CCDC138: variants seen among roughly 807,000 people sequenced by gnomAD.
CCDC138 encodes coiled-coil domain-containing protein 138.
CCDC138 carries 66 observed loss-of-function variants against 82.3 expected under a neutral mutation model. The ratio of observed to expected loss-of-function variants is 0.80; its 90% CI spans 0.66 to 0.98. The LOEUF is 0.98. Among genes scored for constraint, CCDC138 ranks in the 50% least tolerant of loss-of-function variants. CCDC138 has a pLI of 0.00. For synonymous variants in CCDC138, 297 were observed against 265.4 expected, an observed-to-expected ratio of 1.12 and a Z score of -1.16; for missense variants, 816 against 758.9, an observed-to-expected ratio of 1.08 and a Z score of -0.88.
At chr2:108,794,407 TTTTC>T (rs778106998) in intron 4 of CCDC138, 129 bp from the exon 5 acceptor site, 2 of 819,858 alleles carry the variant, frequency 2.4e-6, no homozygotes, top group South Asian at 2.6e-5. Context: ...TTTGCTATAT[TTTTC>T]TTTGTCTCTC....
intron 13 of CCDC138, among the ~76,000 whole-genome samples, chr2:108,865,632 G>C (rs1574295620): frequency 6.6e-6 from 1 of 152,092 alleles, no homozygotes; most frequent in South Asian, 2.1e-4. Context: ...GTTCTTAATA[G>C]TCCCTAGGCA....
chr2:108,828,697 G>T (rs1040401727), intron 10 of CCDC138, among the ~76,000 whole-genome samples: 4 of 152,104 alleles, frequency 2.6e-5, no homozygotes, highest in African/African-American at 4.8e-5. Flanking sequence ...AATTTAACTC[G>T]GCTGGGCGTG....
At chr2:108,800,803 G>A (rs559679558) in intron 6 of CCDC138, among the ~76,000 whole-genome samples, 2 of 105,470 alleles carry the variant, frequency 1.9e-5, no homozygotes, top group South Asian at 7.3e-4. Flanking sequence ...ACAGTCCCCA[G>A]AGTGTGATAT....
chr2:108,806,473 T>C (rs1054506549), intron 7 of CCDC138, among the ~76,000 whole-genome samples: 4 of 152,168 alleles, frequency 2.6e-5, no homozygotes, highest in Admixed American at 2.0e-4. Context: ...GCAGAATGCT[T>C]TTTTATGGTT....
Position 108,806,655 on chromosome 2 carries a change from G to C in CCDC138, c.855+1647G>C, listed in dbSNP as rs114684366. Among the ~76,000 whole-genome samples the C allele has an allele frequency of 3.9e-5, 6 of 152,266 alleles. No homozygotes were observed. The South Asian group carries it at 1.2e-3, about 32-fold the overall frequency. On this transcript the variant is annotated intron_variant, in intron 7 of 14. Coordinates refer to ENST00000295124, the MANE Select transcript of CCDC138 (RefSeq NM_144978.3). ...AACGAGCGTGGCTGTGTTCCAAAAC[G>C]ACTGTATTCATAAAAACAAGCAATG...
At chr2:108,868,774 A>T (rs927720029) in intron 13 of CCDC138, among the ~76,000 whole-genome samples, 3 of 152,170 alleles carry the variant, frequency 2.0e-5, no homozygotes, top group African/African-American at 7.2e-5. Flanking sequence ...AATAAATACT[A>T]AGAACATTTT....
chr2:108,792,791 G>A (rs375944248), intron 4 of CCDC138, among the ~76,000 whole-genome samples: 19 of 152,054 alleles, frequency 1.2e-4, no homozygotes, highest in Admixed American at 7.9e-4. Context: ...TCGGCCAGGC[G>A]CGGTGGCTCA....
intron 10 of CCDC138, among the ~76,000 whole-genome samples, chr2:108,826,539 C>T (rs1212984756): frequency 1.3e-5 from 2 of 152,086 alleles, no homozygotes; most frequent in Non-Finnish European, 2.9e-5. Flanking sequence ...TGTTTCGGTA[C>T]CATGTTGAAA....
At chr2:108,880,224 C>CAAAAA (rs3028925), downstream of CCDC138, among the ~76,000 whole-genome samples, 3 of 50,454 alleles carry the variant, frequency 5.9e-5, no homozygotes, top group African/African-American at 1.5e-4. Flanking sequence ...CAAAAACAAA[C>CAAAAA]AAAAAAAAAA....
chr2:108,830,907 GC>G (rs1264579590), intron 10 of CCDC138, among the ~76,000 whole-genome samples: 4 of 151,942 alleles, frequency 2.6e-5, no homozygotes, highest in African/African-American at 9.7e-5. Flanking sequence ...AGGTGCGGTG[GC>G]TCACGCCTGT....
intron 10 of CCDC138, among the ~76,000 whole-genome samples, chr2:108,826,696 C>G (rs1686665815): frequency 6.6e-6 from 1 of 152,156 alleles, no homozygotes; most frequent in Non-Finnish European, 1.5e-5. Context: ...AATCTTCCAA[C>G]TTTGTCCTTC....
chr2:108,799,964 A>C (rs1194781431), intron 6 of CCDC138, among the ~76,000 whole-genome samples: 1 of 151,974 alleles, frequency 6.6e-6, no homozygotes, highest in African/African-American at 2.4e-5. Flanking sequence ...TAAAAAATTT[A>C]TTTTTGTTTT....
rs1491527939 is a variant in CCDC138 at position 108,800,638 on chromosome 2, T to TTTTTTTTTTTTTTTTTTTTTA, written c.735+2052_735+2053insTTTTTTTTTTTTTTTTTTTTA. 2.7e-5 allele frequency among the ~76,000 whole-genome samples: 2 copies of TTTTTTTTTTTTTTTTTTTTTA among 73,732 alleles called. 1 individual carries two copies. Among genetic ancestry groups the TTTTTTTTTTTTTTTTTTTTTA allele is most frequent in the African/African-American group, 1.2e-4 (2 of 17,256 alleles). 48.4% of individuals were successfully genotyped at this position (73,732 alleles called of 152,430 possible). A position where few individuals can be genotyped will look rare whatever the true frequency, so the allele number is the denominator to read the frequency against. ...TTTTTTTTTTTTTTTTTTTTTTTTT[T>TTTTTTTTTTTTTTTTTTTTTA]AATTATACTTTAAGTTTTAGGGTAC... On this transcript the variant is annotated intron_variant, in intron 6 of 14. Coordinates refer to ENST00000295124, the MANE Select transcript of CCDC138 (RefSeq NM_144978.3).
intron 12 of CCDC138, among the ~76,000 whole-genome samples, chr2:108,853,179 G>A (rs1398537047): frequency 2.0e-5 from 3 of 152,150 alleles, no homozygotes; most frequent in Non-Finnish European, 4.4e-5. Context: ...AACATCAACC[G>A]AGTTCTTGGA....
chr2:108,861,315 GTCTCAACTTCATTTAGTTCT>G (rs1436728230), intron 13 of CCDC138, among the ~76,000 whole-genome samples: 2 of 151,586 alleles, frequency 1.3e-5, no homozygotes, highest in African/African-American at 4.8e-5. Context: ...AGTTCTTTTA[GTCTCAACTTCATTTAGTTCT>G]GCTGTTTTTA....
intron 11 of CCDC138, among the ~76,000 whole-genome samples, chr2:108,845,092 T>A (rs1690220704): frequency 6.6e-6 from 1 of 152,142 alleles, no homozygotes; most frequent in Non-Finnish European, 1.5e-5. Flanking sequence ...AGTGTAGTAG[T>A]AAAGCATTAG....
At chr2:108,863,182 C>T (rs1693893165) in intron 13 of CCDC138, among the ~76,000 whole-genome samples, 1 of 151,996 alleles carries the variant, frequency 6.6e-6, no homozygotes, top group Admixed American at 6.6e-5. Context: ...TAAATTTATT[C>T]AATCGTTCTA....
chr2:108,824,049 G>C (rs1247269117), intron 10 of CCDC138, among the ~76,000 whole-genome samples: 1 of 152,136 alleles, frequency 6.6e-6, no homozygotes, highest in East Asian at 1.9e-4. Context: ...TGTACGACTA[G>C]AAGTTGCTCT....
intron 6 of CCDC138, among the ~76,000 whole-genome samples, chr2:108,803,050 T>A (rs1475641886): frequency 6.6e-6 from 1 of 152,230 alleles, no homozygotes; most frequent in Non-Finnish European, 1.5e-5. Flanking sequence ...TAAAGGTTGG[T>A]CTGAGACTTG....
Sources: gnomAD v4.1 joint callset for allele counts (sites outside exome capture counted in the v4.1 genomes callset) on GRCh38, gnomAD v4.1.1 for gene constraint, MANE v1.5 for transcripts, NCBI Gene and HGNC (gene_info 2026-07-23, HGNC 2026-07-21) for gene names.